The following CD163 variants were observed in gnomAD, a reference collection of about 807,000 sequenced individuals.
CD163 encodes scavenger receptor cysteine-rich type 1 protein M130.
A neutral mutation model predicts 129.2 loss-of-function variants in CD163; 64 were observed. The observed-to-expected ratio is 0.50, with a 90% CI of 0.41 to 0.61. CD163 has a LOEUF of 0.61. CD163 is among the 20% of genes least tolerant of loss of function. The pLI, the probability that CD163 is intolerant of heterozygous loss-of-function variation, is 0.00. For synonymous variants in CD163, 446 were observed against 478.5 expected, an observed-to-expected ratio of 0.93 and a Z score of 0.89; for missense variants, 1,061 against 1,377.9, an observed-to-expected ratio of 0.77 and a Z score of 3.64.
chr12:7,501,167 G>A lies in CD163; in HGVS notation c.429C>T (p.His143=). Residue 143 remains histidine, a synonymous_variant, in exon 3 of 17, where the codon CAC becomes CAT. Transcript: ENST00000432237. ...DGWGKHSNCT[H]QQDAGVTCSD... is the part of the protein sequence containing the mutation. The stretch of plus-strand genomic sequence containing the variant: ...AGCAGGTCACTCCAGCATCTTGTTG[G>A]TGAGTACAGTTACTATGCTTTCCCC... 6.2e-7 allele frequency: 1 copy of A among 1,614,092 alleles called. No homozygotes were observed. The highest frequency in any genetic ancestry group is 1.1e-5 in the South Asian group (1 of 91,074).
chr12:7,498,913 T>C lies in CD163; in HGVS notation c.733A>G (p.Lys245Glu). The change falls in exon 4 of 17, where the codon AAG becomes GAG. Residue 245 changes from lysine to glutamate, a missense_variant. Transcript: ENST00000432237. The part of the protein sequence containing the change: ...LWNCKHQGWG[K>E]HNCDHAEDAG... ...TCCTCAGCATGATCACAGTTATGCT[T>C]TCCCCATCCTTGATGTTTGCAGTTC... The C allele has an allele frequency of 6.2e-7, 1 of 1,614,132 alleles. No individual in the cohort carries two copies. Among genetic ancestry groups the C allele is most frequent in the Non-Finnish European group, 8.5e-7 (1 of 1,179,996 alleles).
At chr12:7,492,903 C>T (rs376379932) in intron 6 of CD163, among the ~76,000 whole-genome samples, 3 of 152,258 alleles carry the variant, frequency 2.0e-5, no homozygotes, top group Admixed American at 6.5e-5. Context: ...CCGGCAAAGA[C>T]GGAATTTAGG....
At chr12:7,483,707 A>T in intron 11 of CD163, 32 bp from the exon 12 acceptor site, 1 of 1,519,728 alleles carries the variant, frequency 6.6e-7, no homozygotes, top group South Asian at 1.3e-5. Context: ...GCCTATTTCT[A>T]AGACTTCTAA....
chr12:7,481,072 T>C, intron 15 of CD163, 89 bp downstream of exon 15: 1 of 1,519,376 alleles, frequency 6.6e-7, no homozygotes, highest in African/African-American at 1.4e-5. Context: ...TAGACTTTTT[T>C]AACTGTTTAT....
intron 1 of CD163, 84 bp from the exon 2 acceptor site, chr12:7,502,648 CAAA>C (rs2136749753): frequency 1.3e-6 from 1 of 743,766 alleles, no homozygotes; most frequent in Admixed American, 2.3e-5. Flanking sequence ...GGTTAATTAA[CAAA>C]GAAGCTCAAA....
intron 6 of CD163, among the ~76,000 whole-genome samples, chr12:7,492,020 G>T (rs1439886226): frequency 6.6e-6 from 1 of 152,106 alleles, no homozygotes; most frequent in Non-Finnish European, 1.5e-5. Flanking sequence ...CAAATTCGTA[G>T]CTTGAATTTG....
chr12:7,489,665 G>A (rs913500628), intron 6 of CD163, among the ~76,000 whole-genome samples: 35 of 152,082 alleles, frequency 2.3e-4, no homozygotes, highest in African/African-American at 7.9e-4. Flanking sequence ...AATCATATTA[G>A]CTAACATGTA....
In CD163 at chr12:7,495,703, G is replaced by T. The variant is rs191856687; in HGVS notation, c.1100-302C>A. Among the ~76,000 whole-genome samples, 82 of 152,056 alleles carry T rather than the reference G, an allele frequency of 5.4e-4. No homozygotes were observed. The South Asian group carries it at 0.011, about 21-fold the overall frequency. On this transcript the variant is annotated intron_variant, in intron 5 of 16. Transcript: ENST00000432237. ...ACTTCTGAAAAGAAGGCATTTATGCGGACAACAAACATATGAAAAATAGCT... is the reference window on the plus strand; with the variant it reads ...ACTTCTGAAAAGAAGGCATTTATGCTGACAACAAACATATGAAAAATAGCT...
intron 15 of CD163, chr12:7,480,265 C>G (rs1949144291): frequency 3.2e-6 from 1 of 310,720 alleles, no homozygotes. Context: ...GGTCAGGGAC[C>G]CTTCATGGAG....
At chr12:7,492,165 A>G (rs893884838) in intron 6 of CD163, among the ~76,000 whole-genome samples, 2 of 152,174 alleles carry the variant, frequency 1.3e-5, no homozygotes, top group Admixed American at 1.3e-4. Flanking sequence ...AAGGCCCCCA[A>G]CATAAGTAGA....
Position 7,483,479 on chromosome 12 carries a change from C to A in CD163, c.2976G>T (p.Trp992Cys). Residue 992 changes from tryptophan to cysteine, a missense_variant, in exon 12 of 17, where the codon TGG (tryptophan) becomes TGT (cysteine). Trp to Cys is a radical substitution (Grantham distance 215, BLOSUM62 -2). Coordinates refer to ENST00000432237, the MANE Select transcript of CD163 (RefSeq NM_203416.4). ...AEFGQGTGPIWLNEVKCKGNE... is the reference protein window; with the variant it reads ...AEFGQGTGPICLNEVKCKGNE... ...TCCCTTTGCACTTCACTTCATTGAG[C>A]CATATCGGTCCAGTCCCCTGACCAA... is the stretch of plus-strand genomic sequence containing the variant. 1 of 1,614,078 alleles carries A rather than the reference C, an allele frequency of 6.2e-7. No individual in the cohort carries two copies. Among genetic ancestry groups the A allele is most frequent in the Middle Eastern group, 1.6e-4 (1 of 6,062 alleles).
chr12:7,476,683 A>G (rs190540715), intron 16 of CD163, among the ~76,000 whole-genome samples: 1 of 152,372 alleles, frequency 6.6e-6, no homozygotes, highest in Admixed American at 6.5e-5. Flanking sequence ...ATGGGCAAAG[A>G]CTTCATAACT....
intron 11 of CD163, among the ~76,000 whole-genome samples, chr12:7,484,237 C>T (rs1446256530): frequency 6.6e-6 from 1 of 152,052 alleles, no homozygotes; most frequent in African/African-American, 2.4e-5. Flanking sequence ...TAATGTGACC[C>T]AGTAAATGTT....
intron 2 of CD163, 48 bp downstream of exon 2, chr12:7,502,430 C>T (rs1300876212): frequency 8.2e-7 from 1 of 1,217,824 alleles, no homozygotes; most frequent in East Asian, 2.3e-5. Flanking sequence ...TTTAACTGTT[C>T]TTGTCAGAGT....
chr12:7,496,658 T>C lies in CD163; in HGVS notation c.1099+155A>G, dbSNP rs1565407328. Among the ~76,000 whole-genome samples, 1 of 152,148 alleles carries C rather than the reference T, an allele frequency of 6.6e-6. No homozygotes were observed. The highest frequency in any genetic ancestry group is 1.5e-5 in the Non-Finnish European group (1 of 68,024). On this transcript the variant is annotated intron_variant, in intron 5 of 16. Transcript: ENST00000432237. The surrounding 1 kb of genome is among the most constrained non-coding windows in gnomAD (Gnocchi z 4.8). Reference sequence around the variant, plus strand: ...CCAAACTAGTTGAATAAAGAATGTGTCAAAGATTACAGGTATAAAGGAATT... The same window carrying C: ...CCAAACTAGTTGAATAAAGAATGTGCCAAAGATTACAGGTATAAAGGAATT...
intron 3 of CD163, among the ~76,000 whole-genome samples, chr12:7,500,421 C>CAAAAAAAA (rs71953455): frequency 1.6e-5 from 1 of 64,108 alleles, no homozygotes; most frequent in Non-Finnish European, 3.1e-5. Flanking sequence ...CAATTCGTCC[C>CAAAAAAAA]AAAAAAAAAA....
rs1380329278 is a variant in CD163 at position 7,486,664 on chromosome 12, C to A, written c.2293G>T (p.Ala765Ser). The A allele has an allele frequency of 1.2e-6, 2 of 1,614,124 alleles. No homozygotes were observed. The highest frequency in any genetic ancestry group is 1.3e-5 in the African/African-American group (1 of 75,020). Reference protein sequence around the residue: ...VVCRQLGCGEAINATGSAHFG... With the variant: ...VVCRQLGCGESINATGSAHFG... ...TGAGCAGAACCAGTGGCATTAATGG[C>A]CTCTCCACAGCCCAGCTGTCTGCAA... Residue 765 changes from alanine to serine, a missense_variant, in exon 10 of 17, where the codon GCC (alanine) becomes TCC (serine). Physicochemically the swap from Ala to Ser is moderately conservative, Grantham distance 99. Coordinates refer to ENST00000432237, the MANE Select transcript of CD163 (RefSeq NM_203416.4).
chr12:7,494,392 T>C (rs1187091017), intron 6 of CD163, among the ~76,000 whole-genome samples: 2 of 152,126 alleles, frequency 1.3e-5, no homozygotes, highest in African/African-American at 4.8e-5. Flanking sequence ...CATGCCTAGG[T>C]TGGGAGGTAT....
chr12:7,473,997 T>C (rs748383296), intron 16 of CD163, among the ~76,000 whole-genome samples: 4 of 151,986 alleles, frequency 2.6e-5, no homozygotes, highest in Non-Finnish European at 5.9e-5. Context: ...CATTACATAA[T>C]GGTAAAGGAA....
Sources: gnomAD v4.1 joint callset for allele counts (sites outside exome capture counted in the v4.1 genomes callset) on GRCh38, gnomAD v4.1.1 for gene constraint, Gnocchi (gnomAD v3.1) non-coding constraint, MANE v1.5 for transcripts, NCBI Gene and HGNC (gene_info 2026-07-23, HGNC 2026-07-21) for gene names.